Variants in MPP7 observed in about 807,000 individuals in gnomAD.
The protein encoded by MPP7 is MAGUK p55 scaffold protein 7, also known as MAGUK p55 subfamily member 7.
Under a neutral mutation model 76.5 loss-of-function variants are expected in MPP7, and 60 were observed. The ratio of observed to expected loss-of-function variants is 0.78; its 90% CI spans 0.64 to 0.97. The LOEUF is 0.97. MPP7 is among the 50% of genes least tolerant of loss of function. MPP7 has a pLI of 0.00. For missense variants in MPP7, 641 were observed against 694.0 expected, an observed-to-expected ratio of 0.92 and a Z score of 0.86; for synonymous variants, 237 against 244.5, an observed-to-expected ratio of 0.97 and a Z score of 0.29.
intron 1 of MPP7, among the ~76,000 whole-genome samples, chr10:28,298,147 G>A (rs1014387688): frequency 6.6e-6 from 1 of 152,160 alleles, no homozygotes; most frequent in Admixed American, 6.5e-5. Flanking sequence ...TCCTGTTAAT[G>A]GTGACATTTT....
intron 1 of MPP7, among the ~76,000 whole-genome samples, chr10:28,277,458 G>A (rs1489954505): frequency 6.6e-6 from 1 of 151,932 alleles, no homozygotes; most frequent in Non-Finnish European, 1.5e-5. Context: ...AGGAATTTGT[G>A]TTGGGCCACA....
chr10:28,177,295 A>G (rs376804500), intron 3 of MPP7, among the ~76,000 whole-genome samples: 1 of 148,262 alleles, frequency 6.7e-6, no homozygotes, highest in Non-Finnish European at 1.5e-5. Context: ...TTAGCCAGGC[A>G]TGGTGGCGCG....
chr10:28,123,718 T>C (rs1311157491), intron 8 of MPP7, among the ~76,000 whole-genome samples: 1 of 152,026 alleles, frequency 6.6e-6, no homozygotes. Context: ...GTGATCCACC[T>C]GTCTCAGCCT....
intron 1 of MPP7, among the ~76,000 whole-genome samples, chr10:28,264,298 T>A (rs1840077594): frequency 6.6e-6 from 1 of 152,006 alleles, no homozygotes; most frequent in Non-Finnish European, 1.5e-5. Context: ...CTCTTTTTTT[T>A]AAGTCTCATT....
intron 2 of MPP7, among the ~76,000 whole-genome samples, chr10:28,209,014 T>C (rs1838041403): frequency 6.6e-6 from 1 of 152,044 alleles, no homozygotes; most frequent in Non-Finnish European, 1.5e-5. Context: ...CCCCACTCAC[T>C]TCCTTTGCCC....
intron 3 of MPP7, among the ~76,000 whole-genome samples, chr10:28,172,059 A>G (rs1488234582): frequency 6.6e-6 from 1 of 152,208 alleles, no homozygotes; most frequent in African/African-American, 2.4e-5. Context: ...CGTCTTTGCA[A>G]ATCTCACAAA....
intron 3 of MPP7, among the ~76,000 whole-genome samples, chr10:28,183,619 C>T (rs1588894730): frequency 2.0e-5 from 3 of 152,122 alleles, no homozygotes; most frequent in East Asian, 3.9e-4. Context: ...AAGACCTCAT[C>T]TCAGCAAAAA....
At chr10:28,204,151 C>T (rs1330664306) in intron 2 of MPP7, among the ~76,000 whole-genome samples, 1 of 152,024 alleles carries the variant, frequency 6.6e-6, no homozygotes, top group Non-Finnish European at 1.5e-5. Context: ...GTGGTAAAAT[C>T]GCATAGCACG....
intron 3 of MPP7, among the ~76,000 whole-genome samples, chr10:28,185,600 C>T (rs1416890564): frequency 1.3e-5 from 2 of 152,130 alleles, no homozygotes; most frequent in Admixed American, 1.3e-4. Context: ...TCTCCTTCAG[C>T]CATACATTAT....
chr10:28,238,504 A>C, intron 2 of MPP7, 64 bp downstream of exon 2: 1 of 1,539,466 alleles, frequency 6.5e-7, no homozygotes, highest in Non-Finnish European at 9.0e-7. Flanking sequence ...AGCATGCTGT[A>C]TTTCACTGTG....
chr10:28,188,485 C>G (rs1335844453), intron 3 of MPP7, among the ~76,000 whole-genome samples: 1 of 151,940 alleles, frequency 6.6e-6, no homozygotes, highest in Non-Finnish European at 1.5e-5. Flanking sequence ...GGCTAATAGA[C>G]AAAGGACTTT....
intron 1 of MPP7, among the ~76,000 whole-genome samples, chr10:28,267,365 A>C (rs1259802577): frequency 1.3e-5 from 2 of 152,246 alleles, no homozygotes; most frequent in African/African-American, 2.4e-5. Context: ...GTGGTGAACA[A>C]AACAGGCACA....
chr10:28,140,908 A>G (rs1292793259), intron 5 of MPP7, among the ~76,000 whole-genome samples: 1 of 152,182 alleles, frequency 6.6e-6, no homozygotes, highest in Non-Finnish European at 1.5e-5. Flanking sequence ...AGTAAAATGT[A>G]ACATTTCTTT....
Position 28,167,974 on chromosome 10 carries a change from C to T in MPP7, c.157-17915G>A, listed in dbSNP as rs780623100. Among the ~76,000 whole-genome samples, 23 of 152,314 alleles carry T rather than the reference C, an allele frequency of 1.5e-4. No individual in the cohort carries two copies. In the Middle Eastern group the frequency reaches 0.014, roughly 90 times the overall value. ...TTTCTAGGCCAGGCATGGCAGCTCA[C>T]GCCTATAATCCCAGCACTTTGGGAG... On this transcript the variant is annotated intron_variant, in intron 3 of 16. Coordinates refer to ENST00000683449, the MANE Select transcript of MPP7 (RefSeq NM_001318170.2).
chr10:28,298,891 T>C (rs984802149), intron 1 of MPP7, among the ~76,000 whole-genome samples: 12 of 152,214 alleles, frequency 7.9e-5, no homozygotes, highest in Admixed American at 7.2e-4. Flanking sequence ...GCAGCTTCTT[T>C]CCTTAAACCT....
chr10:28,102,668 T>A (rs985941904), intron 11 of MPP7, among the ~76,000 whole-genome samples: 1 of 152,174 alleles, frequency 6.6e-6, no homozygotes, highest in Non-Finnish European at 1.5e-5. Context: ...TCCATCTTCA[T>A]AGTTACTAAA....
intron 11 of MPP7, among the ~76,000 whole-genome samples, chr10:28,103,843 G>T (rs546539083): frequency 2.0e-5 from 3 of 152,132 alleles, no homozygotes; most frequent in African/African-American, 4.8e-5. Context: ...TCTCTCGAGA[G>T]AAGCCATAGG....
At chr10:28,135,517 T>C (rs1207316316) in intron 5 of MPP7, among the ~76,000 whole-genome samples, 1 of 152,212 alleles carries the variant, frequency 6.6e-6, no homozygotes, top group African/African-American at 2.4e-5. Context: ...CATTTGGTCA[T>C]ATACAGGGCA....
At chr10:28,150,104 A>G (rs370224234) in intron 3 of MPP7, 45 bp from the exon 4 acceptor site, 4 of 1,331,126 alleles carry the variant, frequency 3.0e-6, no homozygotes, top group African/African-American at 1.4e-5. Flanking sequence ...CTAGCAAACA[A>G]TCTCAGATAG....
Sources: gnomAD v4.1 joint callset for allele counts (sites outside exome capture counted in the v4.1 genomes callset) on GRCh38, gnomAD v4.1.1 for gene constraint, MANE v1.5 for transcripts, NCBI Gene and HGNC (gene_info 2026-07-23, HGNC 2026-07-21) for gene names.